The following DLGAP2 variants were observed in gnomAD, a reference collection of about 807,000 sequenced individuals.
DLGAP2 encodes disks large-associated protein 2.
DLGAP2 carries 26 observed loss-of-function variants against 100.3 expected under a neutral mutation model. The observed-to-expected ratio is 0.26, with a 90% CI of 0.19 to 0.36. The LOEUF (loss-of-function observed/expected upper bound fraction) is 0.36, where lower values mean the gene tolerates loss of function less well. Among genes scored for constraint, DLGAP2 ranks in the 10% least tolerant of loss-of-function variants. The probability of loss-of-function intolerance (pLI) is 1.00; values close to 1 mark genes in which losing one functional copy is unlikely to be tolerated. For missense variants in DLGAP2, 1,858 were observed against 1,453.2 expected (o/e 1.28, Z -4.53); for synonymous variants, 886 against 630.1 (o/e 1.41, Z -6.08).
At chr8:1,091,265 G>A (rs1030353047) in intron 2 of DLGAP2, among the ~76,000 whole-genome samples, 1 of 152,202 alleles carries the variant, frequency 6.6e-6, no homozygotes. Flanking sequence ...GCGGATACTC[G>A]AAGGTGAGGC....
rs576062407 is a variant in DLGAP2 at position 1,198,989 on chromosome 8, C to G, written c.74-59862C>G. On this transcript the variant is annotated intron_variant, in intron 2 of 14. Transcript: ENST00000637795. ...ACCAGTTGTGGATGAATCCTCAGAG[C>G]TGAGTTTCAGCTGCTCCTTAAAATG... 3.3e-5 allele frequency among the ~76,000 whole-genome samples: 5 copies of G among 152,370 alleles called. No individual in the cohort carries two copies. In the South Asian group the frequency reaches 1.0e-3, roughly 32 times the overall value.
intron 3 of DLGAP2, among the ~76,000 whole-genome samples, chr8:1,456,862 G>A (rs1798330977): frequency 6.6e-6 from 1 of 152,388 alleles, no homozygotes; most frequent in South Asian, 2.1e-4. Context: ...GTGCACTGGT[G>A]AAATCGGTTT....
chr8:1,029,414 G>A (rs75904052), intron 2 of DLGAP2, among the ~76,000 whole-genome samples: 27,676 of 152,170 alleles, frequency 0.18, 3,072 homozygotes, highest in Admixed American at 0.26. Flanking sequence ...ACTGGAGCGA[G>A]AGGCATCAGG....
intron 1 of DLGAP2, among the ~76,000 whole-genome samples, chr8:838,202 C>T (rs1428810520): frequency 6.6e-6 from 1 of 151,988 alleles, no homozygotes; most frequent in African/African-American, 2.4e-5. Context: ...TTGTCTTTCC[C>T]CTCCCTTTGT....
chr8:1,382,288 C>T (rs1796114811), intron 3 of DLGAP2, among the ~76,000 whole-genome samples: 3 of 152,218 alleles, frequency 2.0e-5, no homozygotes. Context: ...GGCCTTCATC[C>T]CCGTCTTCAC....
At chr8:1,474,368 G>A (rs573454064) in intron 3 of DLGAP2, among the ~76,000 whole-genome samples, 1 of 152,240 alleles carries the variant, frequency 6.6e-6, no homozygotes, top group Non-Finnish European at 1.5e-5. Flanking sequence ...TTTTTCATAC[G>A]ACTTCTTTCC....
At chr8:1,499,413 CTT>C (rs1164237096) in intron 3 of DLGAP2, among the ~76,000 whole-genome samples, 3 of 152,228 alleles carry the variant, frequency 2.0e-5, no homozygotes, top group African/African-American at 7.2e-5. Flanking sequence ...CCCCAAATTC[CTT>C]TCTCACACAG....
intron 2 of DLGAP2, among the ~76,000 whole-genome samples, chr8:959,104 C>G (rs1253364472): frequency 2.0e-5 from 3 of 152,104 alleles, no homozygotes; most frequent in African/African-American, 7.2e-5. Flanking sequence ...TGACTAAAAG[C>G]TAACAGTAAT....
chr8:1,239,538 T>C (rs1798735758), intron 2 of DLGAP2, among the ~76,000 whole-genome samples: 1 of 113,376 alleles, frequency 8.8e-6, no homozygotes, highest in Non-Finnish European at 1.7e-5. Flanking sequence ...CCGTGTCTAG[T>C]TCTCTCACAT....
chr8:1,445,058 C>G (rs1426705896), intron 3 of DLGAP2, among the ~76,000 whole-genome samples: 4 of 144,706 alleles, frequency 2.8e-5, no homozygotes, highest in Non-Finnish European at 4.5e-5. Flanking sequence ...GCATGAGCCA[C>G]CGCGCCCAGC....
chr8:1,111,875 A>G (rs1036398857), intron 2 of DLGAP2, among the ~76,000 whole-genome samples: 1 of 152,004 alleles, frequency 6.6e-6, no homozygotes, highest in Non-Finnish European at 1.5e-5. Flanking sequence ...ATTCACGTGC[A>G]TGTGTCTTTA....
intron 1 of DLGAP2, among the ~76,000 whole-genome samples, chr8:897,748 G>A (rs930258349): frequency 1.3e-5 from 2 of 152,036 alleles, no homozygotes; most frequent in African/African-American, 4.8e-5. Context: ...AGCCAGAAGC[G>A]AGCACCGCAG....
chr8:780,975 A>T (rs1258090970), intron 1 of DLGAP2, among the ~76,000 whole-genome samples: 1 of 152,238 alleles, frequency 6.6e-6, no homozygotes, highest in African/African-American at 2.4e-5. Flanking sequence ...AGCATCTGGC[A>T]ATGAATTACA....
At chr8:1,322,678 C>T (rs1044116168) in intron 3 of DLGAP2, among the ~76,000 whole-genome samples, 7 of 152,192 alleles carry the variant, frequency 4.6e-5, no homozygotes, top group Non-Finnish European at 8.8e-5. Flanking sequence ...CATCGTGCTG[C>T]GTCCTGCCTC....
At chr8:1,376,573 G>T (rs1042919419) in intron 3 of DLGAP2, among the ~76,000 whole-genome samples, 2 of 152,204 alleles carry the variant, frequency 1.3e-5, no homozygotes. Context: ...CTCTCCTCCT[G>T]CTGAAGAAGG....
chr8:965,281 G>C (rs1274343615), intron 2 of DLGAP2, among the ~76,000 whole-genome samples: 1 of 131,348 alleles, frequency 7.6e-6, no homozygotes, highest in Non-Finnish European at 1.6e-5. Context: ...GCGTGCACAC[G>C]GCACTGTTCA....
At chr8:1,120,649 G>A (rs1001199002) in intron 2 of DLGAP2, among the ~76,000 whole-genome samples, 31 of 151,190 alleles carry the variant, frequency 2.1e-4, no homozygotes. Context: ...CAGAACTCAT[G>A]ACTATAAACC....
At chr8:796,739 C>T (rs910236125) in intron 1 of DLGAP2, among the ~76,000 whole-genome samples, 1 of 152,178 alleles carries the variant, frequency 6.6e-6, no homozygotes, top group African/African-American at 2.4e-5. Flanking sequence ...TGGTGTATGA[C>T]GCCTTCATGG....
rs114999096 is a variant in DLGAP2 at position 1,189,243 on chromosome 8, G to C, written c.74-69608G>C. On this transcript the variant is annotated intron_variant, in intron 2 of 14. Transcript: ENST00000637795. ...AGGCCGGTTCCGCGGTTGGGGTTGAGCATACACAGGGTTCGGGCCCCAGCG... is the reference window on the plus strand; with the variant it reads ...AGGCCGGTTCCGCGGTTGGGGTTGACCATACACAGGGTTCGGGCCCCAGCG... Among the ~76,000 whole-genome samples, 11 of 123,218 alleles carry C rather than the reference G, an allele frequency of 8.9e-5. 2 individuals are homozygous for C. The highest frequency in any genetic ancestry group is 6.4e-4 in the African/African-American group (11 of 17,272). 80.8% of individuals were successfully genotyped at this position (123,218 alleles called of 152,430 possible).
Sources: allele counts gnomAD v4.1 joint callset (sites outside exome capture counted in the v4.1 genomes callset), GRCh38; gene constraint gnomAD v4.1.1; transcripts MANE v1.5; gene names NCBI Gene and HGNC (gene_info 2026-07-23, HGNC 2026-07-21).